The following WDR12 variants were observed in gnomAD, a reference collection of about 807,000 sequenced individuals.
WDR12 encodes the protein ribosome biogenesis protein WDR12.
In WDR12, 42 loss-of-function variants were observed where a neutral mutation model predicts 64.3. The ratio of observed to expected loss-of-function variants is 0.65; its 90% confidence interval spans 0.51 to 0.84. The LOEUF is 0.84. Among genes scored for constraint, WDR12 ranks in the 40% least tolerant of loss-of-function variants. The probability of loss-of-function intolerance (pLI) is 0.00; values close to 1 mark genes in which losing one functional copy is unlikely to be tolerated. For synonymous variants in WDR12, 158 were observed against 173.3 expected (o/e 0.91, Z 0.70); for missense variants, 469 against 494.6 (o/e 0.95, Z 0.49).
intron 2 of WDR12, among the ~76,000 whole-genome samples, chr2:202,902,421 C>T (rs1048025942): frequency 2.0e-5 from 3 of 152,112 alleles, no homozygotes; most frequent in Admixed American, 2.0e-4. Context: ...TGATGCCAAA[C>T]GAGATGAACA....
intron 8 of WDR12, among the ~76,000 whole-genome samples, chr2:202,886,477 C>A (rs1245198247): frequency 4.3e-5 from 6 of 140,496 alleles, no homozygotes; most frequent in Non-Finnish European, 9.2e-5. Context: ...AACAAACAAA[C>A]AAAAAAACTA....
Position 202,885,842 on chromosome 2 carries a change from T to C in WDR12, c.742-1307A>G, listed in dbSNP as rs530646443. On this transcript the variant is annotated intron_variant, in intron 8 of 12. Transcript: ENST00000261015. ...TGGGAGGCTGAAGCAGGAGGATCAC[T>C]GGAGCCCAGGGGTTTGAGAACAGCC... Among the ~76,000 whole-genome samples the C allele has an allele frequency of 4.6e-5, 7 of 152,264 alleles. No individual in the cohort carries two copies. The East Asian group carries it at 7.7e-4, about 17-fold the overall frequency.
intron 2 of WDR12, among the ~76,000 whole-genome samples, chr2:202,904,063 G>A (rs142603618): frequency 0.089 from 13,283 of 148,936 alleles, 725 homozygotes; most frequent in Non-Finnish European, 0.12. Flanking sequence ...GCTTGAAACC[G>A]GGAGGTGGAG....
At chr2:202,893,116 C>T (rs972028400) in intron 7 of WDR12, among the ~76,000 whole-genome samples, 1 of 151,990 alleles carries the variant, frequency 6.6e-6, no homozygotes, top group Non-Finnish European at 1.5e-5. Flanking sequence ...TGTTTATTCT[C>T]TTAATTTCAT....
In WDR12 at chr2:202,898,619, G is replaced by C. The variant is rs189470697; in HGVS notation, c.338+912C>G. Reference sequence around the variant, plus strand: ...CTACAAGTAAGGCCAGTGAGGATTTGCCCTAAGATATCTGTACCTTCTTTG... The same window carrying C: ...CTACAAGTAAGGCCAGTGAGGATTTCCCCTAAGATATCTGTACCTTCTTTG... On this transcript the variant is annotated intron_variant, in intron 4 of 12. Transcript: ENST00000261015. 6.6e-5 allele frequency among the ~76,000 whole-genome samples: 10 copies of C among 152,308 alleles called. No individual in the cohort carries two copies. In the East Asian group the frequency reaches 1.5e-3, roughly 23 times the overall value.
chr2:202,884,444 T>G lies in WDR12; in HGVS notation c.833A>C (p.His278Pro), dbSNP rs369644260. The G allele has an allele frequency of 2.5e-6, 4 of 1,614,208 alleles. No individual in the cohort carries two copies. Among genetic ancestry groups the G allele is most frequent in the Non-Finnish European group, 2.5e-6 (3 of 1,180,046 alleles). ...AEEICSASWD[H>P]TIRVWDVESG... ...CTCAACATCCCACACTCTAATTGTA[T>G]GGTCCCAAGATGCACTGCAGATTTC... is the stretch of plus-strand genomic sequence containing the variant. Residue 278 changes from histidine to proline, a missense_variant, in exon 9 of 13, where the codon CAT becomes CCT. By Grantham distance (77) the His-to-Pro change is moderately conservative. Transcript: ENST00000261015.
intron 11 of WDR12, 161 bp downstream of exon 11, chr2:202,883,448 G>A (rs947656428): frequency 1.3e-4 from 118 of 918,592 alleles, no homozygotes; most frequent in Non-Finnish European, 1.5e-4. Flanking sequence ...AAATTTTTTT[G>A]ATCCTGGCTT....
In WDR12 at chr2:202,905,950, C is replaced by A. The variant is rs564065503; in HGVS notation, c.136+1915G>T. Among the ~76,000 whole-genome samples, 22 of 152,162 alleles carry A rather than the reference C, an allele frequency of 1.4e-4. No individual in the cohort carries two copies. In the South Asian group the frequency reaches 1.9e-3, roughly 13 times the overall value. On this transcript the variant is annotated intron_variant, in intron 2 of 12. Coordinates refer to ENST00000261015, the MANE Select transcript of WDR12 (RefSeq NM_018256.4). The stretch of plus-strand genomic sequence containing the variant: ...AAAGAATTGAAAGAATAAATAAGAT[C>A]TTGTATTTGATAGCACAACTGGATG...
At chr2:202,906,180 C>A (rs1490012358) in intron 2 of WDR12, among the ~76,000 whole-genome samples, 1 of 152,108 alleles carries the variant, frequency 6.6e-6, no homozygotes, top group East Asian at 1.9e-4. Flanking sequence ...AAGAATATTT[C>A]TTATTCTAGT....
intron 2 of WDR12, among the ~76,000 whole-genome samples, chr2:202,905,975 G>A (rs1420674362): frequency 1.3e-5 from 2 of 152,158 alleles, no homozygotes; most frequent in African/African-American, 4.8e-5. Flanking sequence ...ACAACTGGAT[G>A]ACTATAGTCA....
At chr2:202,881,009 A>G in intron 12 of WDR12, 72 bp from the exon 13 acceptor site, 1 of 1,276,450 alleles carries the variant, frequency 7.8e-7, no homozygotes. Context: ...GCTAAACCTA[A>G]TTAAATACTA....
chr2:202,889,369 A>C (rs1021794927), intron 8 of WDR12, among the ~76,000 whole-genome samples: 3 of 152,114 alleles, frequency 2.0e-5, no homozygotes, highest in African/African-American at 7.2e-5. Context: ...CAAAACAACA[A>C]CAACAAAAAA....
Position 202,897,285 on chromosome 2 carries a change from G to A in WDR12, c.454+15C>T. On this transcript the variant is annotated intron_variant, in intron 5 of 12. Coordinates refer to ENST00000261015, the MANE Select transcript of WDR12 (RefSeq NM_018256.4). ...CTATCTAGGATTCCTCTAAGTGTAG[G>A]CAAACTGTCCTAACCTTTTTTCACC... The A allele has an allele frequency of 6.4e-7, 1 of 1,561,410 alleles. No individual in the cohort carries two copies. Among genetic ancestry groups the A allele is most frequent in the Non-Finnish European group, 8.7e-7 (1 of 1,145,942 alleles).
At chr2:202,883,468 A>G (rs761476723) in intron 11 of WDR12, 141 bp downstream of exon 11, 2 of 1,057,654 alleles carry the variant, frequency 1.9e-6, no homozygotes, top group Admixed American at 3.0e-5. Flanking sequence ...TTTCTTTTGC[A>G]TATCAGTATT....
rs1376436095 is a variant in WDR12 at position 202,875,163 on chromosome 2, A to T, written c.*5697T>A. ...TGGTTTCCTTTAAATAACATGAATG[A>T]CATAATTACATGAATAATAGGATAA... On this transcript the variant is annotated 3_prime_UTR_variant, in exon 13 of 13. Transcript: ENST00000261015. 1 of 152,178 alleles carries T rather than the reference A, an allele frequency of 6.6e-6. No individual in the cohort carries two copies. Among genetic ancestry groups the T allele is most frequent in the Admixed American group, 6.5e-5 (1 of 15,270 alleles). 9.4% of individuals were successfully genotyped at this position (152,178 alleles called of 1,614,324 possible).
At chr2:202,897,215 C>T in intron 5 of WDR12, 85 bp downstream of exon 5, 1 of 845,736 alleles carries the variant, frequency 1.2e-6, no homozygotes, top group Non-Finnish European at 1.9e-6. Flanking sequence ...TTCCCACCCA[C>T]TCCCCATTCT....
Position 202,896,045 on chromosome 2 carries a change from A to G in WDR12, c.609+20T>C. On this transcript the variant is annotated intron_variant, in intron 6 of 12. Transcript: ENST00000261015. ...CAAATTCAAATTTAACAGAGTACTA[A>G]TAATATTCTAGCTACTTACTTTAGT... is the stretch of plus-strand genomic sequence containing the variant. 6.2e-7 allele frequency: 1 copy of G among 1,608,732 alleles called. No individual in the cohort carries two copies. Among genetic ancestry groups the G allele is most frequent in the South Asian group, 1.1e-5 (1 of 89,838 alleles).
chr2:202,898,210 G>A (rs1315235587), intron 4 of WDR12, among the ~76,000 whole-genome samples: 1 of 151,884 alleles, frequency 6.6e-6, no homozygotes, highest in Non-Finnish European at 1.5e-5. Context: ...GAAGGCAGTG[G>A]CGCGATCTCA....
rs35272282 is a variant in WDR12, at chr2:202,896,148, T to A, written c.526A>T (p.Arg176Ter). The change falls in exon 6 of 13, where the codon AGA (arginine) becomes TGA (stop). Residue 176 changes from arginine to a stop codon, truncating the protein, a stop_gained. Transcript: ENST00000261015. LOFTEE classifies it high-confidence loss of function. The stretch of plus-strand genomic sequence containing the variant: ...CAGTGTAGGGCTTTCACTTTGTTTC[T>A]CTCTACATTCCACTCCCATAAGAGA... ...TILLWEWNVERNKVKALHCCR... is the reference protein window; with the variant it reads ...TILLWEWNVE 3 of 1,613,998 alleles carry A rather than the reference T, an allele frequency of 1.9e-6. No individual in the cohort carries two copies. The South Asian group carries it at 3.3e-5, about 18-fold the overall frequency.
Sources: allele counts gnomAD v4.1 joint callset (sites outside exome capture counted in the v4.1 genomes callset), GRCh38; gene constraint gnomAD v4.1.1; transcripts MANE v1.5; gene names NCBI Gene and HGNC (gene_info 2026-07-23, HGNC 2026-07-21).